Variants in DDB1 observed in about 807,000 individuals in gnomAD.
DDB1 encodes DNA damage-binding protein 1.
Under a neutral mutation model 133.1 loss-of-function variants are expected in DDB1, and 18 were observed. The observed-to-expected ratio is 0.14, with a 90% CI of 0.09 to 0.20. The LOEUF is 0.20. Ranked by LOEUF, DDB1 falls within the 10% of genes least tolerant of loss-of-function variation. The pLI is 1.00. For synonymous variants in DDB1, 580 were observed against 550.5 expected (o/e 1.05, Z -0.75); for missense variants, 828 against 1,459.2 (o/e 0.57, Z 7.05).
rs1855944147 is a variant in DDB1, at chr11:61,310,340, C to T, written c.2356G>A (p.Val786Met). ...ATGATAAGTAGGTTGTGCACCTCCA[C>T]CTCTTCTCCAAAGGAGGTCTCATGA... The part of the protein sequence containing the change: ...APHETSFGEE[V>M]EVHNLLIIDQ... The change falls in exon 19 of 27, where the codon GTG becomes ATG. Residue 786 changes from valine to methionine, a missense_variant. This residue lies in a region of DDB1 where 396 missense variants were observed against 554.1 expected (regional missense o/e 0.71). Transcript: ENST00000301764. 6.2e-7 allele frequency: 1 copy of T among 1,612,870 alleles called. No individual in the cohort carries two copies. The highest frequency in any genetic ancestry group is 1.3e-5 in the African/African-American group (1 of 75,028).
chr11:61,313,666 C>T lies in DDB1; in HGVS notation c.1902G>A (p.Gln634=), dbSNP rs1856014607. Residue 634 remains glutamine, a synonymous_variant, in exon 16 of 27, where the codon CAG becomes CAA. Coordinates refer to ENST00000301764, the MANE Select transcript of DDB1 (RefSeq NM_001923.5). ...SDRKKVTLGT[Q]PTVLRTFRSL... Reference sequence around the variant, plus strand: ...AACGAAAAGTCCTCAATACGGTGGGCTGGGTGCCCAAAGTCACCTTCTTAC... The same window carrying T: ...AACGAAAAGTCCTCAATACGGTGGGTTGGGTGCCCAAAGTCACCTTCTTAC... 1.2e-6 allele frequency: 2 copies of T among 1,613,826 alleles called. No homozygotes were observed. Among genetic ancestry groups the T allele is most frequent in the Non-Finnish European group, 1.7e-6 (2 of 1,179,854 alleles).
At chr11:61,305,727 C>A (rs536083440) in intron 21 of DDB1, among the ~76,000 whole-genome samples, 11 of 152,222 alleles carry the variant, frequency 7.2e-5, no homozygotes, top group East Asian at 1.9e-4. Flanking sequence ...TGGAGAGAGT[C>A]AAGACTAAAG....
intron 22 of DDB1, among the ~76,000 whole-genome samples, 164 bp downstream of exon 22, chr11:61,303,700 CA>C (rs59840297): frequency 0.036 from 1,612 of 44,170 alleles, 15 homozygotes; most frequent in African/African-American, 0.09. Context: ...GACTGCGTCT[CA>C]AAAAAAAAAA....
At chr11:61,330,993 G>C (rs1387769480) in intron 2 of DDB1, among the ~76,000 whole-genome samples, 1 of 152,136 alleles carries the variant, frequency 6.6e-6, no homozygotes, top group African/African-American at 2.4e-5. Flanking sequence ...CTTGCTATAT[G>C]ATAGGCCCTA....
intron 8 of DDB1, chr11:61,322,742 A>G (rs1565036671): frequency 3.7e-6 from 2 of 546,478 alleles, no homozygotes; most frequent in South Asian, 2.5e-5. Flanking sequence ...AGTCCATTAC[A>G]TTAAACTATG....
chr11:61,322,020 GTTAC>G, intron 9 of DDB1: 1 of 538,834 alleles, frequency 1.9e-6, no homozygotes, highest in Non-Finnish European at 3.3e-6. Flanking sequence ...TTTGGAAAAA[GTTAC>G]TTAATCTTTC....
intron 1 of DDB1, 119 bp from the exon 2 acceptor site, chr11:61,331,810 C>G: frequency 1.5e-6 from 2 of 1,376,778 alleles, no homozygotes; most frequent in Non-Finnish European, 1.0e-6. Flanking sequence ...ACATACTTCT[C>G]CAACTCCCTC....
intron 25 of DDB1, 141 bp from the exon 26 acceptor site, chr11:61,301,073 G>T: frequency 1.6e-6 from 2 of 1,263,692 alleles, no homozygotes; most frequent in Non-Finnish European, 2.2e-6. Context: ...CTTTTATTTG[G>T]ACATTTTTGG....
At position 61,316,379 on chromosome 11, in the gene DDB1, T is replaced by C. The variant is rs1856066724; in HGVS notation, c.1316A>G (p.Asn439Ser). ...FVGQTRVLMLNGEEVEETELM... is the reference protein window; with the variant it reads ...FVGQTRVLMLSGEEVEETELM... The stretch of plus-strand genomic sequence containing the variant: ...TTCGGTTTCTTCTACCTCCTCTCCA[T>C]TTAACATGAGAACTCTGCAGCAGAA... The change falls in exon 12 of 27, where the codon AAT (asparagine) becomes AGT (serine). Residue 439 changes from asparagine (N) to serine (S), a missense_variant. Physicochemically the swap from Asn to Ser is conservative, Grantham distance 46. Transcript: ENST00000301764. 9.3e-6 allele frequency: 15 copies of C among 1,614,118 alleles called. No homozygotes were observed. The highest frequency in any genetic ancestry group is 1.3e-5 in the Non-Finnish European group (15 of 1,180,020).
chr11:61,332,852 C>A, intron 1 of DDB1, 56 bp downstream of exon 1: 1 of 1,382,382 alleles, frequency 7.2e-7, no homozygotes, highest in South Asian at 1.6e-5. Context: ...CCTCCCTAGG[C>A]CGCGGCTCCC....
chr11:61,308,439 A>G (rs1855911031), intron 21 of DDB1, among the ~76,000 whole-genome samples: 1 of 151,996 alleles, frequency 6.6e-6, no homozygotes, highest in African/African-American at 2.4e-5. Context: ...ACTTCTCACC[A>G]TTTCACGTAC....
intron 6 of DDB1, 70 bp downstream of exon 6, chr11:61,325,540 GA>G (rs1856254986): frequency 7.8e-7 from 1 of 1,287,330 alleles, no homozygotes; most frequent in Non-Finnish European, 1.1e-6. Flanking sequence ...TGATAAATAA[GA>G]GAAAGGGAGG....
At chr11:61,319,597 A>G (rs1178028417) in intron 10 of DDB1, among the ~76,000 whole-genome samples, 1 of 151,952 alleles carries the variant, frequency 6.6e-6, no homozygotes, top group Non-Finnish European at 1.5e-5. Flanking sequence ...ACCCCCGGCT[A>G]ATTTTTTGTA....
chr11:61,299,751 A>G lies in DDB1; in HGVS notation c.*385T>C. On this transcript the variant is annotated 3_prime_UTR_variant, in exon 27 of 27. Coordinates refer to ENST00000301764, the MANE Select transcript of DDB1 (RefSeq NM_001923.5). ...TCCCTACACTGCCAATCTAAATAAA[A>G]AGAGGACAATGCATGAGTGTGAGAT... 1 of 253,694 alleles carries G rather than the reference A, an allele frequency of 3.9e-6. No homozygotes were observed. Among genetic ancestry groups the G allele is most frequent in the Non-Finnish European group, 7.8e-6 (1 of 128,598 alleles). The allele number at this position is 253,694 out of a possible 1,614,324, so 15.7% of individuals were successfully genotyped here.
chr11:61,304,872 C>G (rs1297030455), intron 21 of DDB1, among the ~76,000 whole-genome samples: 1 of 148,862 alleles, frequency 6.7e-6, no homozygotes, highest in Non-Finnish European at 1.5e-5. Context: ...AGTGAGACTC[C>G]GCCTAAAAAA....
chr11:61,312,186 G>T, intron 16 of DDB1, 102 bp from the exon 17 acceptor site: 1 of 964,556 alleles, frequency 1.0e-6, no homozygotes, highest in Non-Finnish European at 1.7e-6. Flanking sequence ...GATTACACCA[G>T]CTTTGACTCC....
chr11:61,332,039 GA>G (rs1407781794), intron 1 of DDB1: 22 of 190,440 alleles, frequency 1.2e-4, no homozygotes, highest in Admixed American at 9.8e-4. Context: ...GAATGCCGGA[GA>G]AAGTGTTCAC....
chr11:61,321,384 C>T (rs1856176077), intron 10 of DDB1: 2 of 469,642 alleles, frequency 4.3e-6, no homozygotes, highest in Non-Finnish European at 3.8e-6. Context: ...ATTCCACTAC[C>T]AATTTTGATC....
chr11:61,310,559 A>AG, intron 18 of DDB1, 141 bp from the exon 19 acceptor site: 1 of 959,990 alleles, frequency 1.0e-6, no homozygotes, highest in Non-Finnish European at 1.5e-6. Context: ...AAGGAGCCTG[A>AG]GGAGAGTGTT....
Sources: gnomAD v4.1 joint callset for allele counts (sites outside exome capture counted in the v4.1 genomes callset) on GRCh38, gnomAD v4.1.1 for gene constraint, gnomAD v4.1.1 regional missense constraint, MANE v1.5 for transcripts, NCBI Gene and HGNC (gene_info 2026-07-23, HGNC 2026-07-21) for gene names.